The following PKNOX1 variants were observed in gnomAD, a reference collection of about 807,000 sequenced individuals.
PKNOX1 encodes the protein homeobox protein PKNOX1.
A neutral mutation model predicts 51.9 loss-of-function variants in PKNOX1; 15 were observed. That is an observed-to-expected ratio of 0.29 (90% CI 0.19 to 0.45). The LOEUF is 0.45. PKNOX1 is among the 20% of genes least tolerant of loss of function. The probability of loss-of-function intolerance (pLI) is 1.00; values close to 1 mark genes in which losing one functional copy is unlikely to be tolerated. For missense variants in PKNOX1, 462 were observed against 547.5 expected (o/e 0.84, Z 1.56); for synonymous variants, 219 against 211.1 (o/e 1.04, Z -0.32).
In PKNOX1 at chr21:43,008,478, G is replaced by C. The variant is rs150000176; in HGVS notation, c.179+860G>C. The stretch of plus-strand genomic sequence containing the variant: ...AGTTTTTCCTGGGAATGTCAGACTT[G>C]TTTAGTATTTAAAAGTCTGCCAGGC... On this transcript the variant is annotated intron_variant, in intron 3 of 10. Transcript: ENST00000291547. Among the ~76,000 whole-genome samples, 823 of 152,288 alleles carry C rather than the reference G, an allele frequency of 5.4e-3. 8 individuals are homozygous for C. Among genetic ancestry groups the C allele is most frequent in the African/African-American group, 0.019 (775 of 41,564 alleles).
chr21:43,016,986 G>T lies in PKNOX1; in HGVS notation c.601G>T (p.Val201Leu). The T allele has an allele frequency of 6.2e-7, 1 of 1,612,420 alleles. No individual in the cohort carries two copies. The highest frequency in any genetic ancestry group is 8.5e-7 in the Non-Finnish European group (1 of 1,179,558). Residue 201 changes from valine (V) to leucine (L), a missense_variant, in exon 6 of 11, where the codon GTA (valine) becomes TTA (leucine). Around this residue, in one of 5 missense-constraint regions of PKNOX1, gnomAD observed 126 missense variants for 128.1 expected, o/e 0.98. Coordinates refer to ENST00000291547, the MANE Select transcript of PKNOX1 (RefSeq NM_004571.5). ...VPASALQQGN[V>L]AMATVAGGTV... ...GGCGTCCGCGCTGCAGCAGGGAAAC[G>T]TAGCCATGGCGACGGTGGCAGGTAC...
At chr21:42,998,591 T>TG (rs1401173295) in intron 1 of PKNOX1, among the ~76,000 whole-genome samples, 4 of 152,026 alleles carry the variant, frequency 2.6e-5, no homozygotes, top group Non-Finnish European at 4.4e-5. Flanking sequence ...CTAAATACAG[T>TG]GGGGGTACAG....
chr21:43,008,061 T>TCTCACACACACACA (rs59792199), intron 3 of PKNOX1, among the ~76,000 whole-genome samples: 1,694 of 146,868 alleles, frequency 0.012, 33 homozygotes, highest in African/African-American at 0.04. Flanking sequence ...CAAAACTCTG[T>TCTCACACACACACA]CACACACACA....
At chr21:42,986,449 C>T (rs1253952794) in intron 1 of PKNOX1, among the ~76,000 whole-genome samples, 2 of 152,006 alleles carry the variant, frequency 1.3e-5, no homozygotes, top group Admixed American at 6.5e-5. Flanking sequence ...TGCAGTGAGC[C>T]GAGATCATGC....
rs11911145 is a variant in PKNOX1, at chr21:43,005,733, C to T, written c.51+1301C>T. Among the ~76,000 whole-genome samples, 188 of 152,068 alleles carry T rather than the reference C, an allele frequency of 1.2e-3. 2 individuals carry two copies. Among genetic ancestry groups the T allele is most frequent in the African/African-American group, 4.4e-3 (182 of 41,462 alleles). On this transcript the variant is annotated intron_variant, in intron 2 of 10. Transcript: ENST00000291547. ...CACCTCTCTGCCTGCCCTGGAGCAC[C>T]GGTCCTCACTGTTCCCATCACTCTT...
At chr21:43,029,765 C>A in intron 10 of PKNOX1, 125 bp from the exon 11 acceptor site, 1 of 834,064 alleles carries the variant, frequency 1.2e-6, no homozygotes, top group Non-Finnish European at 2.0e-6. Flanking sequence ...TTGAACATTC[C>A]CTAAACATAT....
intron 1 of PKNOX1, among the ~76,000 whole-genome samples, chr21:42,994,310 G>A (rs1489217520): frequency 6.8e-5 from 10 of 146,384 alleles, no homozygotes; most frequent in South Asian, 4.4e-4. Context: ...CCAAAGTGCT[G>A]GGATTACAGG....
chr21:42,991,631 G>A (rs1337113046), intron 1 of PKNOX1, among the ~76,000 whole-genome samples: 1 of 152,026 alleles, frequency 6.6e-6, no homozygotes, highest in African/African-American at 2.4e-5. Context: ...GGGAGGCTGC[G>A]GCAGGAGAAT....
chr21:43,009,567 T>C (rs1422322352), intron 3 of PKNOX1, among the ~76,000 whole-genome samples: 4 of 126,270 alleles, frequency 3.2e-5, no homozygotes, highest in Middle Eastern at 5.0e-3. Context: ...CCCGAGATCG[T>C]GCCGCTGCAC....
At chr21:42,987,036 C>T (rs1291993275) in intron 1 of PKNOX1, among the ~76,000 whole-genome samples, 1 of 151,944 alleles carries the variant, frequency 6.6e-6, no homozygotes, top group Non-Finnish European at 1.5e-5. Context: ...TTACAGTACA[C>T]AGGATAGTGT....
rs149418824 is a variant in PKNOX1 at position 43,011,290 on chromosome 21, C to T, written c.351+1066C>T. Among the ~76,000 whole-genome samples, 601 of 151,960 alleles carry T rather than the reference C, an allele frequency of 4.0e-3. 3 individuals carry two copies. The highest frequency in any genetic ancestry group is 7.1e-3 in the Non-Finnish European group (480 of 67,934). On this transcript the variant is annotated intron_variant, in intron 4 of 10. Coordinates refer to ENST00000291547, the MANE Select transcript of PKNOX1 (RefSeq NM_004571.5). ...TTCACCGTGTTAGCCAGGATAGTCT[C>T]GATCTCCTGATCTTGTGATCTGCCT... is the stretch of plus-strand genomic sequence containing the variant.
intron 1 of PKNOX1, among the ~76,000 whole-genome samples, chr21:42,997,100 C>T (rs1236592965): frequency 6.6e-6 from 1 of 152,050 alleles, no homozygotes; most frequent in Admixed American, 6.6e-5. Flanking sequence ...AGGCTGGTTT[C>T]GAATTCCTGA....
intron 9 of PKNOX1, among the ~76,000 whole-genome samples, chr21:43,025,491 C>T (rs1240635075): frequency 6.6e-6 from 1 of 152,184 alleles, no homozygotes; most frequent in African/African-American, 2.4e-5. Context: ...CCATTCCTAG[C>T]AAAGAAACAC....
intron 1 of PKNOX1, among the ~76,000 whole-genome samples, chr21:43,003,592 G>A (rs540694353): frequency 5.9e-5 from 9 of 152,202 alleles, no homozygotes; most frequent in Admixed American, 2.6e-4. Context: ...CTGACCACAC[G>A]GCCCGGGAAA....
intron 1 of PKNOX1, among the ~76,000 whole-genome samples, chr21:42,993,546 A>G (rs1372276797): frequency 6.6e-6 from 1 of 151,562 alleles, no homozygotes; most frequent in African/African-American, 2.4e-5. Flanking sequence ...CACAATTCTA[A>G]AACTTTATGC....
chr21:43,015,271 C>CT (rs1464165110), intron 5 of PKNOX1, among the ~76,000 whole-genome samples: 5 of 152,172 alleles, frequency 3.3e-5, no homozygotes, highest in African/African-American at 1.2e-4. Flanking sequence ...TCCTATATTG[C>CT]TTTTTTTCTG....
chr21:43,032,952 G>C lies in PKNOX1; in HGVS notation c.*2851G>C, dbSNP rs1980342113. On this transcript the variant is annotated 3_prime_UTR_variant, in exon 11 of 11. Coordinates refer to ENST00000291547, the MANE Select transcript of PKNOX1 (RefSeq NM_004571.5). ...TAAAACACCTGTTCTCCAGCCCTTG[G>C]ACAGTGGAGAGAATCTGTAAAAGTG... The C allele has an allele frequency of 6.6e-6, 1 of 152,138 alleles. No individual in the cohort carries two copies. The highest frequency in any genetic ancestry group is 2.1e-4 in the South Asian group (1 of 4,812). 9.4% of individuals were successfully genotyped at this position (152,138 alleles called of 1,614,324 possible).
At chr21:43,005,612 G>A (rs1568896499) in intron 2 of PKNOX1, among the ~76,000 whole-genome samples, 1 of 151,844 alleles carries the variant, frequency 6.6e-6, no homozygotes, top group South Asian at 2.1e-4. Context: ...GATTCCTGTG[G>A]GTTTCATGCA....
At chr21:42,998,144 C>G (rs1978591421) in intron 1 of PKNOX1, among the ~76,000 whole-genome samples, 1 of 152,146 alleles carries the variant, frequency 6.6e-6, no homozygotes, top group Admixed American at 6.5e-5. Context: ...GGGGAAGCCT[C>G]ACAATCATGG....
Sources: gnomAD v4.1 joint callset for allele counts (sites outside exome capture counted in the v4.1 genomes callset) on GRCh38, gnomAD v4.1.1 for gene constraint, gnomAD v4.1.1 regional missense constraint, MANE v1.5 for transcripts, NCBI Gene and HGNC (gene_info 2026-07-23, HGNC 2026-07-21) for gene names.